Variants in SLC39A7 observed in about 807,000 individuals in gnomAD.
The protein encoded by SLC39A7 is solute carrier family 39 member 7.
A neutral mutation model predicts 39.7 loss-of-function variants in SLC39A7; 25 were observed. The observed-to-expected ratio is 0.63, with a 90% confidence interval of 0.46 to 0.88. SLC39A7 has a LOEUF of 0.88. Ranked by LOEUF, SLC39A7 falls within the 40% of genes least tolerant of loss-of-function variation. SLC39A7 has a pLI of 0.00. For missense variants in SLC39A7, 501 were observed against 592.1 expected (o/e 0.85, Z 1.60); for synonymous variants, 181 against 234.1 (o/e 0.77, Z 2.07).
In SLC39A7 at chr6:33,201,416, C is replaced by A. The variant is rs2975297; in HGVS notation, c.171C>A (p.Gly57=). The stretch of plus-strand genomic sequence containing the variant: ...ACTCACATGAAGATTTCCACCATGG[C>A]CACAGCCATGCCCATGGCCATGGCC... ...HRHSHEDFHH[G]HSHAHGHGHT... is the part of the protein sequence containing the mutation. Residue 57 remains glycine, a synonymous_variant, in exon 1 of 7, where the codon GGC becomes GGA. Transcript: ENST00000374677. The surrounding 1 kb of genome is among the most constrained non-coding windows in gnomAD (Gnocchi z 5.9). The A allele has an allele frequency of 2.1e-3, 3,465 of 1,614,028 alleles. 81 individuals carry two copies. The South Asian group carries it at 0.033, about 15-fold the overall frequency.
rs1774589677 is a variant in SLC39A7 at position 33,201,797 on chromosome 6, T to G, written c.464T>G (p.Leu155Arg). The G allele has an allele frequency of 1.2e-6, 2 of 1,613,728 alleles. No individual in the cohort carries two copies. The highest frequency in any genetic ancestry group is 4.5e-5 in the East Asian group (2 of 44,870). Residue 155 changes from leucine (L) to arginine (R), a missense_variant, in exon 2 of 7, where the codon CTT becomes CGT. Transcript: ENST00000374677. This position sits in a 1 kb window ranked among gnomAD's most constrained non-coding sequence, Gnocchi z 5.9. Reference protein sequence around the residue: ...ISAAPFFVLFLIPVESNSPRH... With the variant: ...ISAAPFFVLFRIPVESNSPRH... ...GCAGCTCCATTTTTTGTCCTCTTCCTTATCCCCGTGGAGTCGAACTCTCCC... is the reference window on the plus strand; with the variant it reads ...GCAGCTCCATTTTTTGTCCTCTTCCGTATCCCCGTGGAGTCGAACTCTCCC...
chr6:33,202,448 C>A, intron 4 of SLC39A7, 21 bp downstream of exon 4: 1 of 1,610,330 alleles, frequency 6.2e-7, no homozygotes, highest in Non-Finnish European at 8.5e-7. Flanking sequence ...GAACAACTTT[C>A]CTGAAAGCTG....
chr6:33,201,726 C>A lies in SLC39A7; in HGVS notation c.412-19C>A. ...GTTGGGAAACTCCACAGTACTTGACCTTGACTCTCCCTCACCAGGCACTGG... is the reference window on the plus strand; with the variant it reads ...GTTGGGAAACTCCACAGTACTTGACATTGACTCTCCCTCACCAGGCACTGG... On this transcript the variant is annotated intron_variant, in intron 1 of 6. Coordinates refer to ENST00000374677, the MANE Select transcript of SLC39A7 (RefSeq NM_006979.3). The surrounding 1 kb of genome is among the most constrained non-coding windows in gnomAD (Gnocchi z 5.9). 1 of 1,613,962 alleles carries A rather than the reference C, an allele frequency of 6.2e-7. No homozygotes were observed. The highest frequency in any genetic ancestry group is 8.5e-7 in the Non-Finnish European group (1 of 1,179,946).
intron 3 of SLC39A7, 56 bp from the exon 4 acceptor site, chr6:33,202,207 G>A (rs892248086): frequency 1.9e-5 from 31 of 1,592,312 alleles, no homozygotes; most frequent in Non-Finnish European, 2.6e-5. Flanking sequence ...CCGCACTTGA[G>A]GAGGAGGAGT....
rs1172888119 is a variant in SLC39A7, at chr6:33,201,203, TGAGTC to T, written c.-42_-38del. ...AGCGGACCCTGTGTAGGTATAGAGTTGAGTCAAGTGGAGTCACTGCCTCTGTCCCT... is the reference window on the plus strand; with the variant it reads ...AGCGGACCCTGTGTAGGTATAGAGTTAAGTGGAGTCACTGCCTCTGTCCCT... On this transcript the variant is annotated 5_prime_UTR_variant, in exon 1 of 7. Transcript: ENST00000374677. The surrounding 1 kb of genome is among the most constrained non-coding windows in gnomAD (Gnocchi z 5.9). The T allele has an allele frequency of 5.7e-6, 9 of 1,567,590 alleles. No homozygotes were observed. Among genetic ancestry groups the T allele is most frequent in the Non-Finnish European group, 7.8e-6 (9 of 1,158,820 alleles).
At position 33,201,315 on chromosome 6, in the gene SLC39A7, C is replaced by T; in HGVS notation, c.70C>T (p.Leu24=). The change falls in exon 1 of 7, where the codon CTG becomes TTG. Residue 24 remains leucine, a synonymous_variant. Coordinates refer to ENST00000374677, the MANE Select transcript of SLC39A7 (RefSeq NM_006979.3). This position sits in a 1 kb window ranked among gnomAD's most constrained non-coding sequence, Gnocchi z 5.9. ...GLLTWATLGL[L]VAGLGGHDDL... is the part of the protein sequence containing the mutation. The stretch of plus-strand genomic sequence containing the variant: ...GCTGACCTGGGCGACCTTGGGGCTT[C>T]TGGTGGCTGGACTCGGGGGTCATGA... 1.2e-6 allele frequency: 2 copies of T among 1,614,018 alleles called. No homozygotes were observed. The highest frequency in any genetic ancestry group is 1.3e-5 in the African/African-American group (1 of 74,976).
Position 33,202,111 on chromosome 6 carries a change from G to A in SLC39A7, c.620G>A (p.Gly207Glu). ...CACACTCTGGAGCAACCCGGACATG[G>A]ACACTCCCACAGTGGTGAGGAAGAG... ...SHHTLEQPGHGHSHSGQGPIL... is the reference protein window; with the variant it reads ...SHHTLEQPGHEHSHSGQGPIL... Residue 207 changes from glycine (G) to glutamate (E), a missense_variant, in exon 3 of 7, where the codon GGA (glycine) becomes GAA (glutamate). Coordinates refer to ENST00000374677, the MANE Select transcript of SLC39A7 (RefSeq NM_006979.3). 1 of 1,612,972 alleles carries A rather than the reference G, an allele frequency of 6.2e-7. No homozygotes were observed. Among genetic ancestry groups the A allele is most frequent in the Non-Finnish European group, 8.5e-7 (1 of 1,180,002 alleles).
In SLC39A7 at chr6:33,202,607, A is replaced by T; in HGVS notation, c.847A>T (p.Thr283Ser). Residue 283 changes from threonine to serine, a missense_variant, in exon 5 of 7, where the codon ACA becomes TCA. Transcript: ENST00000374677. The part of the protein sequence containing the change: ...KQSSEEEEKE[T>S]RGVQKRRGGS... ...GAGCTCAGAGGAAGAAGAAAAGGAAACAAGAGGGGTTCAGAAGAGGCGAGG... is the reference window on the plus strand; with the variant it reads ...GAGCTCAGAGGAAGAAGAAAAGGAATCAAGAGGGGTTCAGAAGAGGCGAGG... 1 of 1,611,542 alleles carries T rather than the reference A, an allele frequency of 6.2e-7. No homozygotes were observed. Among genetic ancestry groups the T allele is most frequent in the Non-Finnish European group, 8.5e-7 (1 of 1,179,640 alleles).
In SLC39A7 at chr6:33,203,760, C is replaced by T. The variant is rs923056227; in HGVS notation, c.1357C>T (p.Leu453=). The change falls in exon 7 of 7, where the codon CTG becomes TTG. Residue 453 remains leucine (L), a synonymous_variant. Transcript: ENST00000374677. The part of the protein sequence containing the change: ...ASPLQSLLEV[L]GLLGGVIMMV... ...ACCATTGCAATCACTTCTGGAGGTG[C>T]TGGGGCTGCTGGGGGGAGTTATCAT... 6.2e-7 allele frequency: 1 copy of T among 1,614,090 alleles called. No homozygotes were observed. The highest frequency in any genetic ancestry group is 1.3e-5 in the African/African-American group (1 of 74,924).
At position 33,201,944 on chromosome 6, in the gene SLC39A7, T is replaced by A; in HGVS notation, c.580+31T>A. On this transcript the variant is annotated intron_variant, in intron 2 of 6. Transcript: ENST00000374677. The surrounding 1 kb of genome is among the most constrained non-coding windows in gnomAD (Gnocchi z 5.9). ...TAACCTCTGACTTCTACCTCAAATC[T>A]AACCTATTTCGTTCTTTGGAGGAAA... The A allele has an allele frequency of 6.2e-7, 1 of 1,610,100 alleles. No homozygotes were observed. Among genetic ancestry groups the A allele is most frequent in the Non-Finnish European group, 8.5e-7 (1 of 1,177,436 alleles).
intron 4 of SLC39A7, 35 bp downstream of exon 4, chr6:33,202,462 T>A: frequency 6.2e-7 from 1 of 1,608,736 alleles, no homozygotes; most frequent in Non-Finnish European, 8.5e-7. Flanking sequence ...AAAGCTGACT[T>A]GCCTGCCTCA....
At position 33,204,177 on chromosome 6, in the gene SLC39A7, T is replaced by G; in HGVS notation, c.*364T>G. The G allele has an allele frequency of 2.2e-6, 1 of 461,088 alleles. No individual in the cohort carries two copies. Among genetic ancestry groups the G allele is most frequent in the Non-Finnish European group, 3.9e-6 (1 of 253,914 alleles). The allele number at this position is 461,088 out of a possible 1,614,324, so 28.6% of individuals were successfully genotyped here. A position where few individuals can be genotyped will look rare whatever the true frequency, so the allele number is the denominator to read the frequency against. ...CACAGGAAGTTCTCCAAGGTCCAGT[T>G]TCCTTTCTCCCACCAGTTGGTGGAG... On this transcript the variant is annotated 3_prime_UTR_variant, in exon 7 of 7. Transcript: ENST00000374677.
intron 6 of SLC39A7, 101 bp downstream of exon 6, chr6:33,203,207 G>A: frequency 3.9e-6 from 4 of 1,036,398 alleles, no homozygotes; most frequent in Non-Finnish European, 5.7e-6. Context: ...AATTCATACT[G>A]TCATTGACAA....
Position 33,202,750 on chromosome 6 carries a change from T to C in SLC39A7, c.940+50T>C, listed in dbSNP as rs368813996. 4.3e-4 allele frequency: 667 copies of C among 1,569,122 alleles called. 13 individuals carry two copies. In the South Asian group the frequency reaches 5.8e-3, roughly 14 times the overall value. On this transcript the variant is annotated intron_variant, in intron 5 of 6. Transcript: ENST00000374677. ...TTTGGGCAAGGGACATCATCACAAA[T>C]CACATGGAATATGTGCTGTGGGTAA...
Position 33,200,936 on chromosome 6 carries a change from CCGGTGAGAATTCT to C in SLC39A7, c.-308_-296del. 1.0e-6 allele frequency: 1 copy of C among 1,003,320 alleles called. No homozygotes were observed. The highest frequency in any genetic ancestry group is 1.5e-6 in the Non-Finnish European group (1 of 654,062). 62.2% of individuals were successfully genotyped at this position (1,003,320 alleles called of 1,614,324 possible). On this transcript the variant is annotated 5_prime_UTR_variant, in exon 1 of 7. Coordinates refer to ENST00000374677, the MANE Select transcript of SLC39A7 (RefSeq NM_006979.3). The surrounding 1 kb of genome is among the most constrained non-coding windows in gnomAD (Gnocchi z 6.3). Reference sequence around the variant, plus strand: ...ACCGGGAAAGGAGAGGATCCCGGAGCCGGTGAGAATTCTCTGTTTTTTCTCTACCATCCTTTCC... The same window carrying C: ...ACCGGGAAAGGAGAGGATCCCGGAGCCTGTTTTTTCTCTACCATCCTTTCC...
Position 33,201,927 on chromosome 6 carries a change from G to C in SLC39A7, c.580+14G>C. On this transcript the variant is annotated intron_variant, in intron 2 of 6. Coordinates refer to ENST00000374677, the MANE Select transcript of SLC39A7 (RefSeq NM_006979.3). The surrounding 1 kb of genome is among the most constrained non-coding windows in gnomAD (Gnocchi z 5.9). ...CTCATGCTCTTGGTAAGTAACCTCT[G>C]ACTTCTACCTCAAATCTAACCTATT... 6.2e-7 allele frequency: 1 copy of C among 1,612,182 alleles called. No homozygotes were observed. The highest frequency in any genetic ancestry group is 1.3e-5 in the African/African-American group (1 of 74,986).
Position 33,201,583 on chromosome 6 carries a change from G to A in SLC39A7, c.338G>A (p.Ser113Asn). The part of the protein sequence containing the change: ...HRGHGHDHEH[S>N]HGGYGESGAP... The stretch of plus-strand genomic sequence containing the variant: ...GGACATGGACATGACCATGAGCATA[G>A]CCATGGAGGCTATGGGGAGTCTGGG... Residue 113 changes from serine (S) to asparagine (N), a missense_variant, in exon 1 of 7, where the codon AGC (serine) becomes AAC (asparagine). Ser to Asn is a conservative substitution (Grantham distance 46). Coordinates refer to ENST00000374677, the MANE Select transcript of SLC39A7 (RefSeq NM_006979.3). This position sits in a 1 kb window ranked among gnomAD's most constrained non-coding sequence, Gnocchi z 5.9. The A allele has an allele frequency of 6.2e-7, 1 of 1,613,984 alleles. No homozygotes were observed. Among genetic ancestry groups the A allele is most frequent in the Non-Finnish European group, 8.5e-7 (1 of 1,179,898 alleles).
In SLC39A7 at chr6:33,201,245, G is replaced by A. The variant is rs1237098288; in HGVS notation, c.-1G>A. On this transcript the variant is annotated 5_prime_UTR_variant, in exon 1 of 7. Coordinates refer to ENST00000374677, the MANE Select transcript of SLC39A7 (RefSeq NM_006979.3). This position sits in a 1 kb window ranked among gnomAD's most constrained non-coding sequence, Gnocchi z 5.9. ...CTGCCTCTGTCCCTCTGGTCAGCGT[G>A]ATGGCCAGAGGCCTGGGGGCCCCCC... The A allele has an allele frequency of 6.2e-7, 1 of 1,608,728 alleles. No individual in the cohort carries two copies. Among genetic ancestry groups the A allele is most frequent in the Non-Finnish European group, 8.5e-7 (1 of 1,178,122 alleles).
rs1423895153 is a variant in SLC39A7 at position 33,203,014 on chromosome 6, A to C, written c.1045A>C (p.Ile349Leu). The C allele has an allele frequency of 3.7e-6, 6 of 1,612,490 alleles. No homozygotes were observed. The highest frequency in any genetic ancestry group is 5.1e-6 in the Non-Finnish European group (6 of 1,179,920). The change falls in exon 6 of 7, where the codon ATC becomes CTC. Residue 349 changes from isoleucine (I) to leucine (L), a missense_variant. Physicochemically the swap from Ile to Leu is conservative, Grantham distance 5. Coordinates refer to ENST00000374677, the MANE Select transcript of SLC39A7 (RefSeq NM_006979.3). ...ASFRGGRGLG[I>L]LTTMTVLLHE... ...CTTTCGAGGGGGCCGGGGACTAGGGATCCTGACCACAATGACTGTCCTGCT... is the reference window on the plus strand; with the variant it reads ...CTTTCGAGGGGGCCGGGGACTAGGGCTCCTGACCACAATGACTGTCCTGCT...
Sources: allele counts gnomAD v4.1 joint callset, GRCh38; gene constraint gnomAD v4.1.1; non-coding constraint Gnocchi (gnomAD v3.1); transcripts MANE v1.5; gene names NCBI Gene and HGNC (gene_info 2026-07-23, HGNC 2026-07-21).